The following TAS1R1 variants were observed in gnomAD, a reference collection of about 807,000 sequenced individuals.
TAS1R1 encodes taste 1 receptor member 1.
A neutral mutation model predicts 45.8 loss-of-function variants in TAS1R1; 31 were observed. The ratio of observed to expected loss-of-function variants is 0.68; its 90% CI spans 0.51 to 0.91. The LOEUF (loss-of-function observed/expected upper bound fraction) is 0.91. Ranked by LOEUF, TAS1R1 falls within the 40% of genes least tolerant of loss-of-function variation. TAS1R1 has a pLI of 0.00. For missense variants in TAS1R1, 1,051 were observed against 1,063.9 expected (o/e 0.99, Z 0.17); for synonymous variants, 437 against 448.4 (o/e 0.97, Z 0.32).
chr1:6,570,020 A>G (rs1333095898), intron 1 of TAS1R1, among the ~76,000 whole-genome samples: 57 of 136,408 alleles, frequency 4.2e-4, no homozygotes, highest in African/African-American at 1.5e-3. Flanking sequence ...GGAGGGAGGG[A>G]GGGGGAGAGA....
In TAS1R1 at chr1:6,576,533, A is replaced by G; in HGVS notation, c.1379A>G (p.Lys460Arg). ...NIIAWDWNGP[K>R]WTFTVLGSST... The stretch of plus-strand genomic sequence containing the variant: ...ATTGCCTGGGACTGGAATGGACCCA[A>G]GTGGACCTTCACGGTCCTCGGTTCC... Residue 460 changes from lysine (K) to arginine (R), a missense_variant, in exon 4 of 6, where the codon AAG becomes AGG. Coordinates refer to ENST00000333172, the MANE Select transcript of TAS1R1 (RefSeq NM_138697.4). 4 of 1,614,268 alleles carry G rather than the reference A, an allele frequency of 2.5e-6. No individual in the cohort carries two copies. The highest frequency in any genetic ancestry group is 3.4e-6 in the Non-Finnish European group (4 of 1,180,046).
intron 1 of TAS1R1, among the ~76,000 whole-genome samples, chr1:6,559,159 C>T (rs1341439630): frequency 6.6e-6 from 1 of 152,026 alleles, no homozygotes; most frequent in Non-Finnish European, 1.5e-5. Flanking sequence ...TCCCAAAGTG[C>T]TGGGATTACA....
chr1:6,576,928 T>C (rs1368175512), intron 4 of TAS1R1, 22 bp from the exon 5 acceptor site: 3 of 1,614,096 alleles, frequency 1.9e-6, no homozygotes, highest in East Asian at 2.2e-5. Context: ...CCCCTACGTG[T>C]GGCCCCTCTG....
chr1:6,555,590 A>G (rs905871428), intron 1 of TAS1R1, 26 bp downstream of exon 1: 1 of 1,531,688 alleles, frequency 6.5e-7, no homozygotes, highest in Non-Finnish European at 8.8e-7. Flanking sequence ...GCAGAGCCAC[A>G]CTTAGTGGGA....
chr1:6,555,666 T>G, intron 1 of TAS1R1, 102 bp downstream of exon 1: 1 of 1,138,960 alleles, frequency 8.8e-7, no homozygotes, highest in Non-Finnish European at 1.2e-6. Context: ...CCTTTGCCCC[T>G]TGAACTGTCC....
chr1:6,579,604 G>A lies in TAS1R1; in HGVS notation c.*20G>A, dbSNP rs754744219. On this transcript the variant is annotated 3_prime_UTR_variant, in exon 6 of 6. Transcript: ENST00000333172. ...ACCTGACCAGTGGGTCAGCAGGCACGGCTGGCAGCCTTCTCTGCCCTGAGG... is the reference window on the plus strand; with the variant it reads ...ACCTGACCAGTGGGTCAGCAGGCACAGCTGGCAGCCTTCTCTGCCCTGAGG... 1 of 1,585,118 alleles carries A rather than the reference G, an allele frequency of 6.3e-7. No individual in the cohort carries two copies. The highest frequency in any genetic ancestry group is 8.6e-7 in the Non-Finnish European group (1 of 1,169,032).
chr1:6,579,257 C>T lies in TAS1R1; in HGVS notation c.2199C>T (p.Leu733=). The T allele has an allele frequency of 6.2e-7, 1 of 1,614,232 alleles. No individual in the cohort carries two copies. Among genetic ancestry groups the T allele is most frequent in the Non-Finnish European group, 8.5e-7 (1 of 1,180,042 alleles). ...TNSLGFILAF[L]YNGLLSISAF... is the part of the protein sequence containing the mutation. ...CCCTGGGCTTCATACTGGCCTTCCTCTACAATGGCCTCCTCTCCATCAGTG... is the reference window on the plus strand; with the variant it reads ...CCCTGGGCTTCATACTGGCCTTCCTTTACAATGGCCTCCTCTCCATCAGTG... The change falls in exon 6 of 6, where the codon CTC becomes CTT. Residue 733 remains leucine (L), a synonymous_variant. Transcript: ENST00000333172.
chr1:6,556,384 T>TC (rs1491267681), intron 1 of TAS1R1, among the ~76,000 whole-genome samples: 6 of 64,392 alleles, frequency 9.3e-5, no homozygotes, highest in Non-Finnish European at 1.6e-4. Context: ...TTTTCTTTTA[T>TC]TTCTATCTAT....
intron 2 of TAS1R1, among the ~76,000 whole-genome samples, chr1:6,572,104 C>G (rs1640033073): frequency 6.6e-6 from 1 of 152,062 alleles, no homozygotes; most frequent in Non-Finnish European, 1.5e-5. Flanking sequence ...AGCACTGACT[C>G]CCTGCCCCTT....
At chr1:6,565,953 C>T (rs59458520) in intron 1 of TAS1R1, among the ~76,000 whole-genome samples, 2,525 of 152,082 alleles carry the variant, frequency 0.017, 54 homozygotes, top group African/African-American at 0.052. Context: ...TGGCTTGGGC[C>T]CCGGGGGAGA....
intron 1 of TAS1R1, among the ~76,000 whole-genome samples, chr1:6,566,386 G>A (rs1029620723): frequency 2.6e-5 from 4 of 152,074 alleles, no homozygotes; most frequent in African/African-American, 9.7e-5. Flanking sequence ...ATAGAGGTTA[G>A]GGACTACAGG....
In TAS1R1 at chr1:6,575,257, G is replaced by A; in HGVS notation, c.1125G>A (p.Met375Ile). ...GCCAAGCTTTCATGGCACACACGATGCCCAAGCTCAAAGCCTTCTCCATGA... is the reference window on the plus strand; with the variant it reads ...GCCAAGCTTTCATGGCACACACGATACCCAAGCTCAAAGCCTTCTCCATGA... The part of the protein sequence containing the change: ...RECQAFMAHT[M>I]PKLKAFSMSS... The change falls in exon 3 of 6, where the codon ATG becomes ATA. Residue 375 changes from methionine to isoleucine, a missense_variant. Met to Ile is a conservative substitution (Grantham distance 10). Transcript: ENST00000333172. 4 of 1,613,428 alleles carry A rather than the reference G, an allele frequency of 2.5e-6. No individual in the cohort carries two copies. In the South Asian group the frequency reaches 3.3e-5, roughly 13 times the overall value.
rs762151581 is a variant in TAS1R1, at chr1:6,576,631, A to G, written c.1473+4A>G. 6.2e-7 allele frequency: 1 copy of G among 1,612,322 alleles called. No homozygotes were observed. The highest frequency in any genetic ancestry group is 1.7e-5 in the Admixed American group (1 of 60,022). On this transcript the variant is annotated splice_donor_region_variant and intron_variant, in intron 4 of 5. Coordinates refer to ENST00000333172, the MANE Select transcript of TAS1R1 (RefSeq NM_138697.4). ...GTGGCACGGAAAGGACAACCAGGTA[A>G]TGGGGATGTGGCTACTCACCATGTA...
At chr1:6,577,670 C>A (rs532411013) in intron 5 of TAS1R1, among the ~76,000 whole-genome samples, 114 of 149,510 alleles carry the variant, frequency 7.6e-4, no homozygotes, top group African/African-American at 2.8e-3. Context: ...ACTAAAAATA[C>A]AAAAAAAGTT....
intron 3 of TAS1R1, 130 bp downstream of exon 3, chr1:6,575,522 G>T (rs1640145246): frequency 3.5e-6 from 4 of 1,131,184 alleles, no homozygotes; most frequent in Admixed American, 6.5e-5. Flanking sequence ...TTTTTGTTTT[G>T]TTTTGTTTTG....
intron 5 of TAS1R1, among the ~76,000 whole-genome samples, chr1:6,577,899 G>A (rs1404483123): frequency 1.3e-5 from 2 of 152,178 alleles, no homozygotes; most frequent in Admixed American, 1.3e-4. Context: ...CTGTTAGAGA[G>A]CTGTCATCAC....
chr1:6,564,761 G>A (rs1203347363), intron 1 of TAS1R1, among the ~76,000 whole-genome samples: 13 of 152,108 alleles, frequency 8.5e-5, no homozygotes, highest in Admixed American at 8.5e-4. Flanking sequence ...CGACTACTGC[G>A]GCCTTTTCTG....
chr1:6,578,229 T>C (rs913102252), intron 5 of TAS1R1, among the ~76,000 whole-genome samples: 1 of 152,146 alleles, frequency 6.6e-6, no homozygotes. Context: ...TTCCCTTCTG[T>C]CCTCAGAGGG....
chr1:6,561,475 G>A (rs1336074662), intron 1 of TAS1R1, among the ~76,000 whole-genome samples: 1 of 152,178 alleles, frequency 6.6e-6, no homozygotes, highest in Non-Finnish European at 1.5e-5. Flanking sequence ...ACTTTGGGAG[G>A]CAGAGGCGGG....
Sources: allele counts gnomAD v4.1 joint callset (sites outside exome capture counted in the v4.1 genomes callset), GRCh38; gene constraint gnomAD v4.1.1; transcripts MANE v1.5; gene names NCBI Gene and HGNC (gene_info 2026-07-23, HGNC 2026-07-21).